The following SMPD3 variants were observed in gnomAD, a reference collection of about 807,000 sequenced individuals.
SMPD3 encodes the protein nSMase-2.
A neutral mutation model predicts 55.7 loss-of-function variants in SMPD3; 21 were observed. The ratio of observed to expected loss-of-function variants is 0.38; its 90% CI spans 0.27 to 0.54. The LOEUF is 0.54. Ranked by LOEUF, SMPD3 falls within the 20% of genes least tolerant of loss-of-function variation. The probability of loss-of-function intolerance (pLI) is 0.80; values close to 1 mark genes in which losing one functional copy is unlikely to be tolerated. For synonymous variants in SMPD3, 457 were observed against 404.3 expected, an observed-to-expected ratio of 1.13 and a Z score of -1.56; for missense variants, 842 against 899.6, an observed-to-expected ratio of 0.94 and a Z score of 0.82.
At chr16:68,383,198 A>G (rs921408125) in intron 2 of SMPD3, among the ~76,000 whole-genome samples, 2 of 152,172 alleles carry the variant, frequency 1.3e-5, no homozygotes, top group African/African-American at 4.8e-5. Context: ...CACTGTGCAG[A>G]GCAAGCTGGC....
chr16:68,371,267 C>G lies in SMPD3; in HGVS notation c.915G>C (p.Gly305=), dbSNP rs1320490259. Residue 305 remains glycine, a synonymous_variant, in exon 3 of 9, where the codon GGG becomes GGC. Transcript: ENST00000219334. ...TGGCACTGGTGTCTGGCCCAGCTCG[C>G]CCCTTCACCAGGGACTCCCGGGAGG... ...PSASRESLVK[G]RAGPDTSASG... The G allele has an allele frequency of 6.2e-7, 1 of 1,606,318 alleles. No homozygotes were observed. Among genetic ancestry groups the G allele is most frequent in the South Asian group, 1.1e-5 (1 of 90,562 alleles).
At position 68,361,312 on chromosome 16, in the gene SMPD3, G is replaced by C. The variant is rs777717260; in HGVS notation, c.1867-5C>G. On this transcript the variant is annotated splice_polypyrimidine_tract_variant and splice_region_variant and intron_variant, in intron 8 of 8. Transcript: ENST00000219334. The stretch of plus-strand genomic sequence containing the variant: ...AAAACTGAATTCTTCCACCTCCTGG[G>C]GTGAGTGGGAGAGGGGAGAAACAGC... 2.6e-5 allele frequency: 41 copies of C among 1,607,726 alleles called. No homozygotes were observed. The highest frequency in any genetic ancestry group is 3.4e-5 in the Non-Finnish European group (40 of 1,176,992).
chr16:68,384,364 C>A (rs2090011252), intron 2 of SMPD3, among the ~76,000 whole-genome samples: 1 of 152,254 alleles, frequency 6.6e-6, no homozygotes, highest in Non-Finnish European at 1.5e-5. Context: ...GGACCTTAGG[C>A]TGAGGCCAAA....
rs187183361 is a variant in SMPD3, at chr16:68,391,831, G to T, written c.-268-5172C>A. ...CTGTGTGGCTGCATTTGCAGATGGA[G>T]GCTCTAAGGAAGTATAGATGGTCTC... On this transcript the variant is annotated intron_variant, in intron 1 of 8. Transcript: ENST00000219334. Among the ~76,000 whole-genome samples the T allele has an allele frequency of 1.9e-4, 29 of 152,316 alleles. No individual in the cohort carries two copies. In the East Asian group the frequency reaches 5.2e-3, roughly 27 times the overall value.
chr16:68,398,539 A>T (rs191290480), intron 1 of SMPD3, among the ~76,000 whole-genome samples: 1 of 152,190 alleles, frequency 6.6e-6, no homozygotes, highest in Non-Finnish European at 1.5e-5. Context: ...TCCAGAAACC[A>T]CCAAAAAGCT....
intron 1 of SMPD3, among the ~76,000 whole-genome samples, chr16:68,421,762 T>A (rs2090396760): frequency 6.6e-6 from 1 of 152,218 alleles, no homozygotes; most frequent in Admixed American, 6.5e-5. Context: ...GGGCATTGTT[T>A]TTCTTCCCTA....
chr16:68,388,570 TC>T (rs904405425), intron 1 of SMPD3, among the ~76,000 whole-genome samples: 1 of 152,056 alleles, frequency 6.6e-6, no homozygotes, highest in African/African-American at 2.4e-5. Flanking sequence ...GAGAAGTTTG[TC>T]AAGCAGGATC....
At chr16:68,365,435 T>G (rs1246977229) in intron 3 of SMPD3, among the ~76,000 whole-genome samples, 1 of 152,144 alleles carries the variant, frequency 6.6e-6, no homozygotes, top group Non-Finnish European at 1.5e-5. Flanking sequence ...CAGTTCCTTG[T>G]CCAGTCCTGT....
chr16:68,397,876 A>C (rs2090173085), intron 1 of SMPD3, among the ~76,000 whole-genome samples: 1 of 152,178 alleles, frequency 6.6e-6, no homozygotes, highest in Admixed American at 6.5e-5. Flanking sequence ...ACCACCCCAG[A>C]GGTGGCCTCT....
chr16:68,422,438 C>G (rs918399780), intron 1 of SMPD3, among the ~76,000 whole-genome samples: 2 of 152,036 alleles, frequency 1.3e-5, no homozygotes, highest in African/African-American at 4.8e-5. Context: ...CGTATAAGGC[C>G]CCTGAGCAAG....
At chr16:68,412,374 A>G (rs901160493) in intron 1 of SMPD3, among the ~76,000 whole-genome samples, 1 of 152,224 alleles carries the variant, frequency 6.6e-6, no homozygotes, top group Non-Finnish European at 1.5e-5. Context: ...CAAGTGACCA[A>G]ACCACCTAAC....
At chr16:68,365,705 C>T (rs3785128) in intron 3 of SMPD3, among the ~76,000 whole-genome samples, 1 of 152,182 alleles carries the variant, frequency 6.6e-6, no homozygotes, top group Non-Finnish European at 1.5e-5. Context: ...TAGGCTGGCC[C>T]CTGCACACCC....
chr16:68,379,580 A>G (rs1229385554), intron 2 of SMPD3, among the ~76,000 whole-genome samples: 1 of 152,132 alleles, frequency 6.6e-6, no homozygotes, highest in Admixed American at 6.5e-5. Flanking sequence ...CTGCTCTCCC[A>G]GGTGCATGGC....
chr16:68,390,913 G>A (rs769362966), intron 1 of SMPD3, among the ~76,000 whole-genome samples: 5 of 152,126 alleles, frequency 3.3e-5, no homozygotes, highest in Non-Finnish European at 5.9e-5. Flanking sequence ...GGTGAGAGGA[G>A]CTACCCTTCA....
At chr16:68,363,949 C>A in intron 5 of SMPD3, 83 bp from the exon 6 acceptor site, 1 of 1,280,504 alleles carries the variant, frequency 7.8e-7, no homozygotes, top group Non-Finnish European at 1.1e-6. Flanking sequence ...CCATCAGTTA[C>A]TCCCCATGTG....
chr16:68,391,102 G>A (rs2090107298), intron 1 of SMPD3, among the ~76,000 whole-genome samples: 1 of 152,180 alleles, frequency 6.6e-6, no homozygotes, highest in African/African-American at 2.4e-5. Flanking sequence ...GCCCTTAAAA[G>A]TGCAAGTAAC....
In SMPD3 at chr16:68,360,251, G is replaced by A. The variant is rs1370490913; in HGVS notation, c.*955C>T. 6.6e-6 allele frequency: 1 copy of A among 152,464 alleles called. No individual in the cohort carries two copies. Among genetic ancestry groups the A allele is most frequent in the Non-Finnish European group, 1.5e-5 (1 of 68,080 alleles). 9.4% of individuals were successfully genotyped at this position (152,464 alleles called of 1,614,324 possible). A position where few individuals can be genotyped will look rare whatever the true frequency, so the allele number is the denominator to read the frequency against. On this transcript the variant is annotated 3_prime_UTR_variant, in exon 9 of 9. Transcript: ENST00000219334. ...GGGAGAGGATTGGCAGAAAGAAGAG[G>A]ATGTGTTGGTTTTGATAGAAGAGAA... is the stretch of plus-strand genomic sequence containing the variant.
intron 1 of SMPD3, among the ~76,000 whole-genome samples, chr16:68,432,243 A>G (rs1255646390): frequency 6.6e-6 from 1 of 152,218 alleles, no homozygotes; most frequent in Non-Finnish European, 1.5e-5. Context: ...GACTTGTTAG[A>G]GGACTCACTT....
chr16:68,392,529 G>A lies in SMPD3; in HGVS notation c.-268-5870C>T, dbSNP rs185239786. Among the ~76,000 whole-genome samples, 12 of 152,262 alleles carry A rather than the reference G, an allele frequency of 7.9e-5. No homozygotes were observed. In the East Asian group the frequency reaches 2.1e-3, roughly 27 times the overall value. On this transcript the variant is annotated intron_variant, in intron 1 of 8. Transcript: ENST00000219334. ...TAATCAAGTTTAAAGGTGGTCATAA[G>A]GATGGGCCCCTGATCTGATAACATT...
Sources: gnomAD v4.1 joint callset for allele counts (sites outside exome capture counted in the v4.1 genomes callset) on GRCh38, gnomAD v4.1.1 for gene constraint, MANE v1.5 for transcripts, NCBI Gene and HGNC (gene_info 2026-07-23, HGNC 2026-07-21) for gene names.